INPP4A: variants seen among roughly 807,000 people sequenced by gnomAD.
INPP4A encodes inositol polyphosphate-4-phosphatase type I A, also known as inositol polyphosphate-4-phosphatase, type I, 107kD.
In INPP4A, 33 loss-of-function variants were observed where a neutral mutation model predicts 119.8. That is an observed-to-expected ratio of 0.28 (90% CI 0.21 to 0.37). INPP4A has a LOEUF of 0.37. INPP4A is among the 10% of genes least tolerant of loss of function. The pLI is 1.00. For missense variants in INPP4A, 956 were observed against 1,289.9 expected, an observed-to-expected ratio of 0.74 and a Z score of 3.97; for synonymous variants, 496 against 500.7, an observed-to-expected ratio of 0.99 and a Z score of 0.12.
intron 1 of INPP4A, among the ~76,000 whole-genome samples, chr2:98,473,958 G>C (rs991774245): frequency 2.3e-4 from 35 of 152,186 alleles, no homozygotes; most frequent in African/African-American, 8.0e-4. Context: ...ATATCGAGAA[G>C]AATCACCTCT....
chr2:98,527,770 A>T (rs371439809), intron 4 of INPP4A, among the ~76,000 whole-genome samples: 6 of 152,344 alleles, frequency 3.9e-5, no homozygotes, highest in African/African-American at 1.4e-4. Context: ...TATCTGTCCA[A>T]CCATTATCTG....
rs770200965 is a variant in INPP4A, at chr2:98,554,527, C to G, written c.1566+38C>G. On this transcript the variant is annotated intron_variant, in intron 15 of 24. Transcript: ENST00000409851. This position sits in a 1 kb window ranked among gnomAD's most constrained non-coding sequence, Gnocchi z 4.7. Reference sequence around the variant, plus strand: ...CTGTGGCTGTCATCCCACTGCTGAACTTGGGCTGAAAACCACAAAACCTGT... The same window carrying G: ...CTGTGGCTGTCATCCCACTGCTGAAGTTGGGCTGAAAACCACAAAACCTGT... The G allele has an allele frequency of 6.3e-7, 1 of 1,576,256 alleles. No individual in the cohort carries two copies. Among genetic ancestry groups the G allele is most frequent in the South Asian group, 1.1e-5 (1 of 87,534 alleles).
intron 24 of INPP4A, among the ~76,000 whole-genome samples, chr2:98,579,004 G>A (rs918978500): frequency 1.3e-5 from 2 of 151,900 alleles, no homozygotes. Flanking sequence ...GCAAATAACA[G>A]TCTTGTGAGC....
intron 1 of INPP4A, among the ~76,000 whole-genome samples, chr2:98,497,921 T>C (rs1682355778): frequency 6.6e-6 from 1 of 152,204 alleles, no homozygotes; most frequent in Non-Finnish European, 1.5e-5. Context: ...AATGGCTGTG[T>C]TTACCCAATA....
intron 24 of INPP4A, among the ~76,000 whole-genome samples, chr2:98,581,404 A>G (rs1353421294): frequency 6.7e-6 from 1 of 150,036 alleles, no homozygotes; most frequent in Non-Finnish European, 1.5e-5. Context: ...TCTGCATTTC[A>G]TCTTTTCTTT....
In INPP4A at chr2:98,538,225, A is replaced by G. The variant is rs1390548005; in HGVS notation, c.579+251A>G. Among the ~76,000 whole-genome samples the G allele has an allele frequency of 3.9e-5, 6 of 152,236 alleles. No homozygotes were observed. The East Asian group carries it at 7.7e-4, about 20-fold the overall frequency. ...GCCACACTGGCCAATTCTAGAGGGC[A>G]GGAGTGAGTGGGAAAGAGCCCTACT... On this transcript the variant is annotated intron_variant, in intron 8 of 24. Coordinates refer to ENST00000409851, the MANE Select transcript of INPP4A (RefSeq NM_001134225.2).
chr2:98,559,671 G>A (rs1295549575), intron 17 of INPP4A, among the ~76,000 whole-genome samples, 176 bp downstream of exon 17: 1 of 152,190 alleles, frequency 6.6e-6, no homozygotes, highest in Non-Finnish European at 1.5e-5. Flanking sequence ...GGGACCAGTT[G>A]GGCTGAGGAA....
At chr2:98,460,834 T>TGAAACCC (rs1169166452) in intron 1 of INPP4A, among the ~76,000 whole-genome samples, 2 of 152,132 alleles carry the variant, frequency 1.3e-5, no homozygotes, top group Admixed American at 6.5e-5. Flanking sequence ...ATGACAGAAA[T>TGAAACCC]GAAACCCAGC....
chr2:98,572,501 T>C (rs1170613609), intron 22 of INPP4A, among the ~76,000 whole-genome samples: 1 of 152,092 alleles, frequency 6.6e-6, no homozygotes, highest in Non-Finnish European at 1.5e-5. Context: ...CCCTCCTAAC[T>C]CCCTCATCTG....
Position 98,546,671 on chromosome 2 carries a change from C to T in INPP4A, c.1140C>T (p.His380=). The T allele has an allele frequency of 6.2e-7, 1 of 1,612,096 alleles. No homozygotes were observed. The part of the protein sequence containing the change: ...FKSGGLRKKL[H]KFEETKKHTS... ...CAGGAGGTCTCCGCAAAAAGCTGCA[C>T]AAATTTGAAGAGACCAAGAAACAGT... The change falls in exon 13 of 25, where the codon CAC becomes CAT. Residue 380 remains histidine, a synonymous_variant. Coordinates refer to ENST00000409851, the MANE Select transcript of INPP4A (RefSeq NM_001134225.2). The surrounding 1 kb of genome is among the most constrained non-coding windows in gnomAD (Gnocchi z 4.2).
intron 1 of INPP4A, among the ~76,000 whole-genome samples, chr2:98,486,049 T>G (rs1392486211): frequency 6.6e-6 from 1 of 152,130 alleles, no homozygotes; most frequent in Admixed American, 6.5e-5. Context: ...TTTGCCAGAG[T>G]CCCACACAGT....
At chr2:98,499,812 A>T (rs1383093170) in intron 1 of INPP4A, among the ~76,000 whole-genome samples, 1 of 152,228 alleles carries the variant, frequency 6.6e-6, no homozygotes, top group Non-Finnish European at 1.5e-5. Flanking sequence ...AAAGGACAGT[A>T]TTCTCCTTTA....
At chr2:98,539,464 A>T (rs1231974031) in intron 9 of INPP4A, 64 bp from the exon 10 acceptor site, 1 of 1,541,164 alleles carries the variant, frequency 6.5e-7, no homozygotes, top group African/African-American at 1.4e-5. Flanking sequence ...GGGGGAGGAG[A>T]ACCCATGAGG....
chr2:98,545,155 A>G (rs1021094908), intron 11 of INPP4A, among the ~76,000 whole-genome samples: 37 of 152,188 alleles, frequency 2.4e-4, no homozygotes, highest in African/African-American at 8.0e-4. Flanking sequence ...GCAGTCTCCT[A>G]TGGCAAATTG....
chr2:98,540,607 A>G (rs1691238000), intron 10 of INPP4A, among the ~76,000 whole-genome samples: 1 of 152,272 alleles, frequency 6.6e-6, no homozygotes, highest in Non-Finnish European at 1.5e-5. Context: ...TGGGAAGTCC[A>G]AAAGCATGGT....
intron 1 of INPP4A, among the ~76,000 whole-genome samples, chr2:98,512,189 T>G (rs1453098309): frequency 6.6e-6 from 1 of 152,216 alleles, no homozygotes; most frequent in Non-Finnish European, 1.5e-5. Flanking sequence ...TCTTCACATA[T>G]GTGCTTGCTC....
intron 1 of INPP4A, among the ~76,000 whole-genome samples, chr2:98,473,788 C>T (rs1676646922): frequency 6.6e-6 from 1 of 152,128 alleles, no homozygotes; most frequent in Admixed American, 6.5e-5. Context: ...CAGGTGATTG[C>T]ATGAAAACAT....
intron 1 of INPP4A, among the ~76,000 whole-genome samples, chr2:98,511,251 G>A (rs1685078551): frequency 6.6e-6 from 1 of 152,116 alleles, no homozygotes; most frequent in African/African-American, 2.4e-5. Flanking sequence ...AGTAGAAAGG[G>A]GTTTCACCAC....
intron 4 of INPP4A, among the ~76,000 whole-genome samples, chr2:98,522,460 T>C (rs1236177918): frequency 6.6e-6 from 1 of 152,098 alleles, no homozygotes; most frequent in Non-Finnish European, 1.5e-5. Context: ...CTATGAAGTT[T>C]GGAAGTTAGT....
Sources: allele counts gnomAD v4.1 joint callset (sites outside exome capture counted in the v4.1 genomes callset), GRCh38; gene constraint gnomAD v4.1.1; non-coding constraint Gnocchi (gnomAD v3.1); transcripts MANE v1.5; gene names NCBI Gene and HGNC (gene_info 2026-07-23, HGNC 2026-07-21).